Variants in TSPAN18 observed in about 807,000 individuals in gnomAD.
The protein encoded by TSPAN18 is tetraspanin-18.
Under a neutral mutation model 27.3 loss-of-function variants are expected in TSPAN18, and 14 were observed. The ratio of observed to expected loss-of-function variants is 0.51; its 90% CI spans 0.34 to 0.80. The LOEUF is 0.80. Ranked by LOEUF, TSPAN18 falls within the 30% of genes least tolerant of loss-of-function variation. The pLI is 0.01. For synonymous variants in TSPAN18, 143 were observed against 136.5 expected (o/e 1.05, Z -0.33); for missense variants, 268 against 323.9 (o/e 0.83, Z 1.32).
chr11:44,784,782 C>T (rs1161905680), intron 2 of TSPAN18, among the ~76,000 whole-genome samples: 1 of 152,190 alleles, frequency 6.6e-6, no homozygotes, highest in Non-Finnish European at 1.5e-5. Flanking sequence ...AGTACATTCT[C>T]TCCATTTTCC....
chr11:44,733,262 G>A (rs561794225), intron 1 of TSPAN18, among the ~76,000 whole-genome samples: 1 of 152,338 alleles, frequency 6.6e-6, no homozygotes, highest in African/African-American at 2.4e-5. Context: ...TTCTAGTATA[G>A]AGCTGGTATG....
At chr11:44,893,062 G>A (rs747200789) in intron 3 of TSPAN18, among the ~76,000 whole-genome samples, 4 of 152,208 alleles carry the variant, frequency 2.6e-5, no homozygotes, top group Admixed American at 6.5e-5. Flanking sequence ...CTCAGCTCCC[G>A]CAGTGTGAAA....
At chr11:44,794,609 A>G (rs1174331739) in intron 2 of TSPAN18, among the ~76,000 whole-genome samples, 1 of 152,010 alleles carries the variant, frequency 6.6e-6, no homozygotes, top group African/African-American at 2.4e-5. Context: ...CGGAGGCTGC[A>G]GTGAGCTGAG....
intron 2 of TSPAN18, among the ~76,000 whole-genome samples, chr11:44,843,429 G>A (rs1247248302): frequency 6.6e-6 from 1 of 152,224 alleles, no homozygotes; most frequent in East Asian, 1.9e-4. Flanking sequence ...CACAAGGCAA[G>A]TGGAGGCAGG....
chr11:44,906,572 A>G, intron 4 of TSPAN18, 93 bp downstream of exon 4: 1 of 1,278,532 alleles, frequency 7.8e-7, no homozygotes, highest in Non-Finnish European at 1.1e-6. Context: ...CCCTGGGGCG[A>G]GCACAGGGGC....
chr11:44,908,777 A>AAGAAAGAAAGAG lies in TSPAN18; in HGVS notation c.64-917_64-916insGAGAAAGAAAGA, dbSNP rs1462453727. Among the ~76,000 whole-genome samples, 16 of 113,378 alleles carry AAGAAAGAAAGAG rather than the reference A, an allele frequency of 1.4e-4. 2 individuals are homozygous for AAGAAAGAAAGAG. Among genetic ancestry groups the AAGAAAGAAAGAG allele is most frequent in the Admixed American group, 2.7e-4 (3 of 11,042 alleles). The allele number at this position is 113,378 out of a possible 152,430, so 74.4% of individuals were successfully genotyped here. A position where few individuals can be genotyped will look rare whatever the true frequency, so the allele number is the denominator to read the frequency against. Reference sequence around the variant, plus strand: ...GAGAGAGAGAGAGAAAGGAGAAAGAAAGAAAGAAAGAAAGAAAGAAAGAAA... The same window carrying AAGAAAGAAAGAG: ...GAGAGAGAGAGAGAAAGGAGAAAGAAAGAAAGAAAGAGAGAAAGAAAGAAAGAAAGAAAGAAA... On this transcript the variant is annotated intron_variant, in intron 4 of 9. Transcript: ENST00000520358.
At chr11:44,864,496 G>C (rs1857984151) in intron 3 of TSPAN18, among the ~76,000 whole-genome samples, 1 of 152,146 alleles carries the variant, frequency 6.6e-6, no homozygotes, top group Non-Finnish European at 1.5e-5. Flanking sequence ...GCTCTCGGCA[G>C]CTCAGGTCTT....
At chr11:44,790,167 ATG>A (rs770744679) in intron 2 of TSPAN18, among the ~76,000 whole-genome samples, 1 of 139,744 alleles carries the variant, frequency 7.2e-6, no homozygotes, top group African/African-American at 2.6e-5. Flanking sequence ...GTGTGTGTGC[ATG>A]TGTGTGTGTG....
At chr11:44,832,715 C>A (rs1383830290) in intron 2 of TSPAN18, among the ~76,000 whole-genome samples, 1 of 152,198 alleles carries the variant, frequency 6.6e-6, no homozygotes, top group African/African-American at 2.4e-5. Context: ...GTTCCTCCTT[C>A]TTCGATCCTT....
chr11:44,878,300 C>T (rs1253193280), intron 3 of TSPAN18, among the ~76,000 whole-genome samples: 3 of 152,106 alleles, frequency 2.0e-5, no homozygotes, highest in South Asian at 2.1e-4. Flanking sequence ...GGCTGAGGGG[C>T]GCCGCCCCAG....
At chr11:44,736,970 G>A (rs1342668654) in intron 1 of TSPAN18, among the ~76,000 whole-genome samples, 1 of 152,220 alleles carries the variant, frequency 6.6e-6, no homozygotes, top group Non-Finnish European at 1.5e-5. Flanking sequence ...TCCATAGAGT[G>A]AGGGCGGAGA....
chr11:44,904,202 G>T (rs997339898), intron 3 of TSPAN18, among the ~76,000 whole-genome samples: 2 of 152,172 alleles, frequency 1.3e-5, no homozygotes, highest in Non-Finnish European at 2.9e-5. Context: ...CCCCTTCCTA[G>T]TAAGAGAAGA....
intron 2 of TSPAN18, among the ~76,000 whole-genome samples, chr11:44,851,636 C>T (rs1041133174): frequency 7.1e-6 from 1 of 140,490 alleles, no homozygotes; most frequent in Admixed American, 7.3e-5. Context: ...ACGGCTGGGT[C>T]CCTGTCTACC....
chr11:44,856,674 A>G (rs960810209), intron 2 of TSPAN18, among the ~76,000 whole-genome samples: 2 of 152,138 alleles, frequency 1.3e-5, no homozygotes, highest in Non-Finnish European at 2.9e-5. Context: ...GTATATAGCA[A>G]GTGTTCAATT....
intron 8 of TSPAN18, among the ~76,000 whole-genome samples, chr11:44,924,533 AGT>A (rs1860274307): frequency 6.6e-6 from 1 of 151,948 alleles, no homozygotes; most frequent in African/African-American, 2.4e-5. Flanking sequence ...TCACAAACCC[AGT>A]GTGTGTGTTG....
intron 2 of TSPAN18, among the ~76,000 whole-genome samples, chr11:44,802,437 A>C (rs1856501993): frequency 6.6e-6 from 1 of 152,134 alleles, no homozygotes; most frequent in South Asian, 2.1e-4. Context: ...AGTTTTAAGC[A>C]GAGAAGCTCC....
At chr11:44,873,667 T>C (rs1282582810) in intron 3 of TSPAN18, among the ~76,000 whole-genome samples, 5 of 152,340 alleles carry the variant, frequency 3.3e-5, no homozygotes, top group African/African-American at 1.2e-4. Context: ...TTAGGGTTTA[T>C]TTCCTTCTGG....
intron 2 of TSPAN18, among the ~76,000 whole-genome samples, chr11:44,769,052 G>T (rs1465282169): frequency 1.3e-5 from 2 of 151,950 alleles, no homozygotes; most frequent in Non-Finnish European, 2.9e-5. Context: ...ATGCTACCAT[G>T]CCCAGCTAAT....
At chr11:44,908,389 CTT>C (rs762799495) in intron 4 of TSPAN18, among the ~76,000 whole-genome samples, 26 of 152,136 alleles carry the variant, frequency 1.7e-4, no homozygotes, top group Non-Finnish European at 3.4e-4. Context: ...TGGTGCCAAA[CTT>C]TGGTTCTTCC....
Sources: gnomAD v4.1 joint callset for allele counts (sites outside exome capture counted in the v4.1 genomes callset) on GRCh38, gnomAD v4.1.1 for gene constraint, MANE v1.5 for transcripts, NCBI Gene and HGNC (gene_info 2026-07-23, HGNC 2026-07-21) for gene names.